COLEC11: variants seen among roughly 807,000 people sequenced by gnomAD.
The protein encoded by COLEC11 is collectin-11.
In COLEC11, 20 loss-of-function variants were observed where a neutral mutation model predicts 27.3. The observed-to-expected ratio is 0.73, with a 90% CI of 0.51 to 1.06. The LOEUF is 1.06. Ranked by LOEUF, COLEC11 falls within the 50% of genes least tolerant of loss-of-function variation. The pLI is 0.00. For synonymous variants in COLEC11, 163 were observed against 154.7 expected, an observed-to-expected ratio of 1.05 and a Z score of -0.40; for missense variants, 310 against 383.0, an observed-to-expected ratio of 0.81 and a Z score of 1.59.
chr2:3,612,169 AGCGCACACAC>A (rs1347574172), intron 2 of COLEC11, among the ~76,000 whole-genome samples: 1 of 152,104 alleles, frequency 6.6e-6, no homozygotes, highest in African/African-American at 2.4e-5. Context: ...GTAGCATATC[AGCGCACACAC>A]GCGCACACAT....
rs200782812 is a variant in COLEC11, at chr2:3,601,126, CCT to C, written c.-26-3188_-26-3187del. ...GATGTGGGCAGTTTCTGAATTAACC[CCT>C]TTTTCCACCACCCTTCCCACACGGG... is the stretch of plus-strand genomic sequence containing the variant. On this transcript the variant is annotated intron_variant, in intron 1 of 6. Coordinates refer to ENST00000349077, the MANE Select transcript of COLEC11 (RefSeq NM_024027.5). Among the ~76,000 whole-genome samples the C allele has an allele frequency of 9.5e-3, 1,453 of 152,236 alleles. 12 individuals carry two copies. The highest frequency in any genetic ancestry group is 0.014 in the Non-Finnish European group (932 of 68,016).
chr2:3,643,744 G>A lies in COLEC11; in HGVS notation c.442G>A (p.Glu148Lys), dbSNP rs1666062328. 5.0e-6 allele frequency: 8 copies of A among 1,613,652 alleles called. No homozygotes were observed. Among genetic ancestry groups the A allele is most frequent in the African/African-American group, 1.3e-5 (1 of 75,058 alleles). ...FIKNAVAGVR[E>K]TESKIYLLVK... ...CCCCACAGCTGTCGCCGGTGTGCGCGAGACGGAGAGCAAGATCTACCTGCT... is the reference window on the plus strand; with the variant it reads ...CCCCACAGCTGTCGCCGGTGTGCGCAAGACGGAGAGCAAGATCTACCTGCT... Residue 148 changes from glutamate to lysine, a missense_variant, in exon 7 of 7, where the codon GAG (glutamate) becomes AAG (lysine). Physicochemically the swap from Glu to Lys is moderately conservative, Grantham distance 56. Transcript: ENST00000349077.
At chr2:3,595,952 G>GA (rs1661808290) in intron 1 of COLEC11, among the ~76,000 whole-genome samples, 1 of 152,230 alleles carries the variant, frequency 6.6e-6, no homozygotes, top group Admixed American at 6.5e-5. Flanking sequence ...ATCTTTCACA[G>GA]CTATTCGATT....
intron 4 of COLEC11, among the ~76,000 whole-genome samples, chr2:3,639,288 A>T (rs1470592051): frequency 6.6e-6 from 1 of 152,224 alleles, no homozygotes; most frequent in Non-Finnish European, 1.5e-5. Context: ...GGGGATGTGT[A>T]TACTTTTACC....
chr2:3,626,112 C>T, intron 3 of COLEC11: 1 of 1,596,362 alleles, frequency 6.3e-7, no homozygotes, highest in Non-Finnish European at 8.6e-7. Context: ...CTGGAAATCC[C>T]ACCTTCACAC....
chr2:3,625,237 C>T (rs111984434), intron 3 of COLEC11, among the ~76,000 whole-genome samples: 2 of 152,192 alleles, frequency 1.3e-5, no homozygotes, highest in African/African-American at 4.8e-5. Context: ...GGCTCCGAGG[C>T]CTGTCCCCAC....
At chr2:3,622,685 C>T (rs1664267047) in intron 3 of COLEC11, among the ~76,000 whole-genome samples, 1 of 152,166 alleles carries the variant, frequency 6.6e-6, no homozygotes, top group Admixed American at 6.5e-5. Flanking sequence ...GGTGGCCTCT[C>T]TCGTGGGCCT....
chr2:3,643,815 G>T lies in COLEC11; in HGVS notation c.513G>T (p.Gln171His). The T allele has an allele frequency of 6.2e-7, 1 of 1,613,520 alleles. No individual in the cohort carries two copies. Among genetic ancestry groups the T allele is most frequent in the Non-Finnish European group, 8.5e-7 (1 of 1,179,962 alleles). The change falls in exon 7 of 7, where the codon CAG (glutamine) becomes CAT (histidine). Residue 171 changes from glutamine to histidine, a missense_variant. By Grantham distance (24) the Gln-to-His change is conservative. Transcript: ENST00000349077. Reference protein sequence around the residue: ...KRYADAQLSCQGRGGTLSMPK... With the variant: ...KRYADAQLSCHGRGGTLSMPK... ...ACGCGGACGCCCAGCTGTCCTGCCA[G>T]GGCCGCGGGGGCACGCTGAGCATGC...
At chr2:3,603,930 C>T (rs971177302) in intron 1 of COLEC11, 212 of 576,362 alleles carry the variant, frequency 3.7e-4, no homozygotes, top group Non-Finnish European at 5.8e-4. Context: ...AGCCTCCCTC[C>T]GCTGTGCCCA....
At chr2:3,637,443 G>A in intron 3 of COLEC11, 90 bp from the exon 4 acceptor site, 2 of 907,124 alleles carry the variant, frequency 2.2e-6, no homozygotes, top group Non-Finnish European at 3.7e-6. Context: ...TAGGAAGGAG[G>A]GCGGTCGGGT....
rs1045172909 is a variant in COLEC11 at position 3,641,353 on chromosome 2, C to T, written c.328+1022C>T. 6.1e-6 allele frequency: 8 copies of T among 1,302,252 alleles called. No individual in the cohort carries two copies. In the African/African-American group the frequency reaches 1.1e-4, roughly 17 times the overall value. The allele number at this position is 1,302,252 out of a possible 1,614,324, so 80.7% of individuals were successfully genotyped here. On this transcript the variant is annotated intron_variant, in intron 5 of 6. Transcript: ENST00000349077. ...TCAGTGTCACTGACTGGCCGAGCAG[C>T]ATCCGCTCAGGGCACCTCCAGGCAC... is the stretch of plus-strand genomic sequence containing the variant.
At chr2:3,631,613 G>A (rs1208704190) in intron 3 of COLEC11, among the ~76,000 whole-genome samples, 1 of 152,184 alleles carries the variant, frequency 6.6e-6, no homozygotes, top group African/African-American at 2.4e-5. Context: ...TGGGCCACCT[G>A]TAGCCACCCT....
intron 3 of COLEC11, among the ~76,000 whole-genome samples, chr2:3,633,062 T>C (rs1224103260): frequency 1.3e-5 from 2 of 151,808 alleles, no homozygotes; most frequent in Non-Finnish European, 2.9e-5. Flanking sequence ...CCCTGAGAGA[T>C]GAGATGTGAA....
At chr2:3,597,320 T>G (rs890686082) in intron 1 of COLEC11, among the ~76,000 whole-genome samples, 1 of 149,246 alleles carries the variant, frequency 6.7e-6, no homozygotes, top group Non-Finnish European at 1.5e-5. Flanking sequence ...CCACCTGGGC[T>G]GCTCTGGTGT....
At chr2:3,603,484 T>C (rs533388498) in intron 1 of COLEC11, 50 of 644,942 alleles carry the variant, frequency 7.8e-5, no homozygotes, top group South Asian at 7.5e-4. Flanking sequence ...ACCCAGCTAA[T>C]TTTTGTATTT....
intron 3 of COLEC11, among the ~76,000 whole-genome samples, chr2:3,623,140 C>G (rs1664297103): frequency 6.6e-6 from 1 of 152,158 alleles, no homozygotes; most frequent in African/African-American, 2.4e-5. Flanking sequence ...AAGTTTTCTG[C>G]TGAGAAGTCT....
intron 2 of COLEC11, among the ~76,000 whole-genome samples, chr2:3,604,681 G>A (rs1037121618): frequency 2.0e-5 from 3 of 152,294 alleles, no homozygotes; most frequent in African/African-American, 4.8e-5. Flanking sequence ...TCTGAAGATG[G>A]CAATTTATTT....
intron 2 of COLEC11, among the ~76,000 whole-genome samples, chr2:3,608,241 C>A (rs1442821206): frequency 6.6e-6 from 1 of 152,132 alleles, no homozygotes; most frequent in Non-Finnish European, 1.5e-5. Flanking sequence ...CGTTTTGTTT[C>A]TTTGAGCGAG....
intron 4 of COLEC11, among the ~76,000 whole-genome samples, chr2:3,638,329 C>T (rs189801099): frequency 1.8e-4 from 27 of 152,284 alleles, no homozygotes; most frequent in East Asian, 1.9e-4. Flanking sequence ...CTCTGGGGGA[C>T]GAAGTCGGTG....
Sources: allele counts gnomAD v4.1 joint callset (sites outside exome capture counted in the v4.1 genomes callset), GRCh38; gene constraint gnomAD v4.1.1; transcripts MANE v1.5; gene names NCBI Gene and HGNC (gene_info 2026-07-23, HGNC 2026-07-21).